SAMD5: variants seen among roughly 807,000 people sequenced by gnomAD.
The protein encoded by SAMD5 is sterile alpha motif domain containing 5.
A neutral mutation model predicts 11.3 loss-of-function variants in SAMD5; 13 were observed. The observed-to-expected ratio is 1.15, with a 90% CI of 0.75 to 1.83. SAMD5 has a LOEUF of 1.83. Ranked by LOEUF, SAMD5 falls within the 40% of genes most tolerant of loss-of-function variation. The pLI is 0.00. For missense variants in SAMD5, 255 were observed against 239.1 expected (o/e 1.07, Z -0.44); for synonymous variants, 129 against 111.3 (o/e 1.16, Z -1.00).
chr6:147,509,424 G>A, intron 1 of SAMD5, 37 bp downstream of exon 1: 2 of 1,491,300 alleles, frequency 1.3e-6, no homozygotes, highest in Non-Finnish European at 1.8e-6. Flanking sequence ...GGGGCGCGCG[G>A]CGGGAGGGGA....
chr6:147,679,743 C>T (rs1212346430), intron 1 of SAMD5, among the ~76,000 whole-genome samples: 1 of 151,026 alleles, frequency 6.6e-6, no homozygotes, highest in Non-Finnish European at 1.5e-5. Context: ...ATATACTGTC[C>T]TATATTTACT....
chr6:147,690,529 G>T (rs1583140768), intron 1 of SAMD5, among the ~76,000 whole-genome samples: 1 of 152,034 alleles, frequency 6.6e-6, no homozygotes, highest in East Asian at 1.9e-4. Context: ...GGCGCCTGCA[G>T]TCCCAGCTAC....
chr6:147,762,996 T>C, the SAMD5 span, among the ~76,000 whole-genome samples: 1 of 152,186 alleles, frequency 6.6e-6, no homozygotes, highest in Non-Finnish European at 1.5e-5. Flanking sequence ...TGTTTATTTT[T>C]GGACCTACAA....
chr6:147,604,370 C>T (rs933651840), intron 1 of SAMD5, among the ~76,000 whole-genome samples: 6 of 152,128 alleles, frequency 3.9e-5, no homozygotes, highest in East Asian at 1.9e-4. Context: ...ACATGTTCTC[C>T]GGTTGGAATG....
At chr6:147,529,976 G>C (rs1304319478) in intron 1 of SAMD5, among the ~76,000 whole-genome samples, 2 of 152,216 alleles carry the variant, frequency 1.3e-5, no homozygotes, top group East Asian at 1.9e-4. Context: ...AATCAGTTGA[G>C]AAGACATTTA....
chr6:147,622,947 G>A (rs1789993798), intron 1 of SAMD5, among the ~76,000 whole-genome samples: 1 of 152,132 alleles, frequency 6.6e-6, no homozygotes, highest in Admixed American at 6.5e-5. Flanking sequence ...ATCAGACCTT[G>A]TGAGACTTAT....
At chr6:147,756,885 G>C in the SAMD5 span, among the ~76,000 whole-genome samples, 1 of 152,128 alleles carries the variant, frequency 6.6e-6, no homozygotes, top group East Asian at 1.9e-4. Flanking sequence ...AAGTTTGTTG[G>C]CATTAAAATT....
the SAMD5 span, among the ~76,000 whole-genome samples, chr6:147,835,425 G>A: frequency 6.6e-6 from 1 of 151,926 alleles, no homozygotes; most frequent in Non-Finnish European, 1.5e-5. Context: ...AAACAATTAC[G>A]GAGGAGCCTT....
chr6:147,614,585 A>G lies in SAMD5; in HGVS notation c.162+105198A>G, dbSNP rs1383854149. On this transcript the variant is annotated intron_variant, in intron 1 of 1. Transcript: ENST00000566741. ...GAAGCCAGACACAAAAGAGAAACTCATATGATCCCATGTCTATGAAGATGA... is the reference window on the plus strand; with the variant it reads ...GAAGCCAGACACAAAAGAGAAACTCGTATGATCCCATGTCTATGAAGATGA... Among the ~76,000 whole-genome samples the G allele has an allele frequency of 2.6e-5, 4 of 152,100 alleles. No individual in the cohort carries two copies. In the East Asian group the frequency reaches 7.7e-4, roughly 29 times the overall value.
At position 147,566,262 on chromosome 6, in the gene SAMD5, G is replaced by T. The variant is rs977063196; in HGVS notation, c.*1806G>T. The T allele has an allele frequency of 4.1e-6, 4 of 979,092 alleles. No individual in the cohort carries two copies. In the African/African-American group the frequency reaches 5.3e-5, roughly 13 times the overall value. The allele number at this position is 979,092 out of a possible 1,614,324, so 60.7% of individuals were successfully genotyped here. ...ATACAAAAGCTTTTAGTTTCATCAG[G>T]ATTATATTCCAGTTAACCTTTCATC... On this transcript the variant is annotated 3_prime_UTR_variant, in exon 2 of 2. Coordinates refer to ENST00000367474, the MANE Select transcript of SAMD5 (RefSeq NM_001030060.3).
intron 1 of SAMD5, among the ~76,000 whole-genome samples, chr6:147,727,314 C>T (rs528448009): frequency 6.6e-6 from 1 of 152,296 alleles, no homozygotes; most frequent in Non-Finnish European, 1.5e-5. Context: ...GCAACGTTTC[C>T]TCCTCCAAGG....
At chr6:147,887,923 T>C in the SAMD5 span, among the ~76,000 whole-genome samples, 1 of 152,322 alleles carries the variant, frequency 6.6e-6, no homozygotes, top group Admixed American at 6.5e-5. Flanking sequence ...TGACTAATGA[T>C]GTTAAACATC....
the SAMD5 span, among the ~76,000 whole-genome samples, chr6:147,763,975 G>GT: frequency 1.3e-5 from 2 of 152,206 alleles, no homozygotes; most frequent in Non-Finnish European, 2.9e-5. Context: ...CCTGACTTGG[G>GT]TGCACACGTG....
the SAMD5 span, among the ~76,000 whole-genome samples, chr6:147,898,774 C>T: frequency 1.3e-5 from 2 of 152,038 alleles, no homozygotes; most frequent in African/African-American, 4.8e-5. Flanking sequence ...TGTATACATA[C>T]ATGTGCTTAT....
At chr6:147,605,095 A>G (rs1318706001) in intron 1 of SAMD5, among the ~76,000 whole-genome samples, 3 of 152,112 alleles carry the variant, frequency 2.0e-5, no homozygotes, top group South Asian at 2.1e-4. Flanking sequence ...TGTCATGCTC[A>G]TGTTGCTGTT....
At chr6:147,865,111 C>T in the SAMD5 span, among the ~76,000 whole-genome samples, 1 of 152,120 alleles carries the variant, frequency 6.6e-6, no homozygotes. Context: ...TCTGTTGAGG[C>T]CAGTGTTCCA....
At chr6:147,555,981 A>G (rs1788848707) in intron 1 of SAMD5, among the ~76,000 whole-genome samples, 1 of 152,246 alleles carries the variant, frequency 6.6e-6, no homozygotes, top group African/African-American at 2.4e-5. Context: ...AGAGACATAC[A>G]GAGATATGCA....
the SAMD5 span, among the ~76,000 whole-genome samples, chr6:147,899,845 T>C: frequency 6.6e-6 from 1 of 152,220 alleles, no homozygotes; most frequent in African/African-American, 2.4e-5. Flanking sequence ...TAGGTAGAGT[T>C]AAATTATTCA....
At chr6:147,863,621 AT>A in the SAMD5 span, among the ~76,000 whole-genome samples, 1,785 of 146,890 alleles carry the variant, frequency 0.012, 33 homozygotes, top group Middle Eastern at 0.043. Context: ...CTTTTATGGC[AT>A]TTTTTTTTTC....
Sources: allele counts gnomAD v4.1 joint callset (sites outside exome capture counted in the v4.1 genomes callset), GRCh38; gene constraint gnomAD v4.1.1; transcripts MANE v1.5; gene names NCBI Gene and HGNC (gene_info 2026-07-23, HGNC 2026-07-21).